Variants in SUCLG2 observed in about 807,000 individuals in gnomAD.
SUCLG2 encodes succinate-CoA ligase GDP-forming subunit beta, also known as succinate--CoA ligase [GDP-forming] subunit beta, mitochondrial.
In SUCLG2, 42 loss-of-function variants were observed where a neutral mutation model predicts 47.9. That is an observed-to-expected ratio of 0.88 (90% CI 0.69 to 1.14). The LOEUF is 1.14. SUCLG2 is among the 50% of genes most tolerant of loss of function. The pLI is 0.00. For missense variants in SUCLG2, 571 were observed against 525.9 expected (o/e 1.09, Z -0.84); for synonymous variants, 195 against 197.3 (o/e 0.99, Z 0.10).
chr3:67,534,768 CAAAAAAAAAAAAAAAAAA>C (rs60612549), intron 2 of SUCLG2, among the ~76,000 whole-genome samples: 3 of 34,932 alleles, frequency 8.6e-5, no homozygotes, highest in African/African-American at 1.8e-4. Flanking sequence ...ACACTGATGG[CAAAAAAAAAAAAAAAAAA>C]AAAAAAAAAA....
intron 2 of SUCLG2, among the ~76,000 whole-genome samples, chr3:67,545,154 C>A (rs1288819899): frequency 6.6e-6 from 1 of 152,106 alleles, no homozygotes; most frequent in African/African-American, 2.4e-5. Context: ...AAAGTATACG[C>A]TCCCCTCCTC....
chr3:67,560,042 T>A (rs923862579), intron 2 of SUCLG2, among the ~76,000 whole-genome samples: 2 of 152,098 alleles, frequency 1.3e-5, no homozygotes, highest in African/African-American at 4.8e-5. Context: ...CTCTAAAAAA[T>A]TAAATCTTTA....
chr3:67,459,265 T>C (rs1189620395), intron 9 of SUCLG2, among the ~76,000 whole-genome samples: 1 of 152,222 alleles, frequency 6.6e-6, no homozygotes, highest in African/African-American at 2.4e-5. Flanking sequence ...TAGTTCTCTT[T>C]GTATTCTGAA....
At chr3:67,576,812 T>A (rs1707754209) in intron 2 of SUCLG2, among the ~76,000 whole-genome samples, 1 of 152,236 alleles carries the variant, frequency 6.6e-6, no homozygotes, top group Non-Finnish European at 1.5e-5. Flanking sequence ...CAGAAAATAC[T>A]ACAGGTTCAC....
At chr3:67,418,833 G>A (rs535652242) in intron 9 of SUCLG2, among the ~76,000 whole-genome samples, 6 of 152,212 alleles carry the variant, frequency 3.9e-5, no homozygotes, top group Admixed American at 6.5e-5. Flanking sequence ...AATCACAAAC[G>A]GCCTGGACCT....
intron 9 of SUCLG2, among the ~76,000 whole-genome samples, chr3:67,432,824 G>T (rs1178526677): frequency 2.6e-5 from 4 of 152,152 alleles, no homozygotes; most frequent in African/African-American, 9.7e-5. Flanking sequence ...TTTTGAATTT[G>T]CTGAAGGACG....
chr3:67,439,966 C>T (rs1575696732), intron 9 of SUCLG2, among the ~76,000 whole-genome samples: 1 of 152,150 alleles, frequency 6.6e-6, no homozygotes, highest in Non-Finnish European at 1.5e-5. Flanking sequence ...CATCATACTA[C>T]CTGAATTCAA....
At chr3:67,501,630 G>A (rs1278901766) in intron 7 of SUCLG2, among the ~76,000 whole-genome samples, 1 of 152,112 alleles carries the variant, frequency 6.6e-6, no homozygotes, top group Admixed American at 6.5e-5. Context: ...CTGGTCGCCA[G>A]AAAGACCAAA....
At chr3:67,648,214 T>C (rs1341172808) in intron 1 of SUCLG2, among the ~76,000 whole-genome samples, 2 of 152,202 alleles carry the variant, frequency 1.3e-5, no homozygotes, top group Non-Finnish European at 2.9e-5. Context: ...GGAGATCCCA[T>C]AAGAATTTGA....
chr3:67,397,449 A>G (rs566748565), intron 10 of SUCLG2, among the ~76,000 whole-genome samples: 197 of 152,296 alleles, frequency 1.3e-3, no homozygotes, highest in African/African-American at 4.5e-3. Context: ...ATACCTAGGA[A>G]TCCAACTTAC....
chr3:67,550,910 G>C (rs752368039), intron 2 of SUCLG2, among the ~76,000 whole-genome samples: 5 of 152,008 alleles, frequency 3.3e-5, no homozygotes, highest in Non-Finnish European at 5.9e-5. Flanking sequence ...GGGGGGTGGG[G>C]GCAGGGGCGG....
intron 2 of SUCLG2, among the ~76,000 whole-genome samples, chr3:67,556,187 G>A (rs1575775549): frequency 6.6e-6 from 1 of 152,322 alleles, no homozygotes; most frequent in Non-Finnish European, 1.5e-5. Flanking sequence ...AATGTGACAT[G>A]TGTTCCTGAC....
At chr3:67,474,266 A>AAAAG (rs373606677) in intron 9 of SUCLG2, among the ~76,000 whole-genome samples, 2 of 152,190 alleles carry the variant, frequency 1.3e-5, no homozygotes, top group African/African-American at 4.8e-5. Flanking sequence ...TCTCAAAAAA[A>AAAAG]AAAGAAAGAA....
chr3:67,367,036 A>G (rs956925764), intron 10 of SUCLG2, among the ~76,000 whole-genome samples: 17 of 152,224 alleles, frequency 1.1e-4, no homozygotes, highest in African/African-American at 4.1e-4. Context: ...ATCAATAATT[A>G]CAACGCATAT....
At chr3:67,368,797 G>A (rs1285449425) in intron 10 of SUCLG2, among the ~76,000 whole-genome samples, 1 of 152,010 alleles carries the variant, frequency 6.6e-6, no homozygotes, top group Admixed American at 6.6e-5. Flanking sequence ...GTAGAGGAGG[G>A]GTTTCACCAT....
chr3:67,510,670 A>G (rs1405375005), intron 6 of SUCLG2, among the ~76,000 whole-genome samples: 1 of 152,194 alleles, frequency 6.6e-6, no homozygotes, highest in Non-Finnish European at 1.5e-5. Context: ...TAATTGACTA[A>G]ATAATATCTT....
At chr3:67,585,136 C>A (rs1409499066) in intron 2 of SUCLG2, among the ~76,000 whole-genome samples, 1 of 152,168 alleles carries the variant, frequency 6.6e-6, no homozygotes, top group African/African-American at 2.4e-5. Flanking sequence ...CAAAAGCCAG[C>A]ACCCCTCTAG....
intron 10 of SUCLG2, among the ~76,000 whole-genome samples, chr3:67,363,214 A>G (rs900098404): frequency 5.3e-5 from 8 of 152,194 alleles, no homozygotes; most frequent in African/African-American, 1.9e-4. Context: ...ATAGAGAAAA[A>G]TTATAGCTCA....
At chr3:67,446,419 T>G (rs1215912668) in intron 9 of SUCLG2, among the ~76,000 whole-genome samples, 4,409 of 19,428 alleles carry the variant, frequency 0.23, 629 homozygotes, top group Non-Finnish European at 0.27. Context: ...ATATGTACAT[T>G]TTTTTTTTTT....
Sources: gnomAD v4.1 joint callset for allele counts (sites outside exome capture counted in the v4.1 genomes callset) on GRCh38, gnomAD v4.1.1 for gene constraint, MANE v1.5 for transcripts, NCBI Gene and HGNC (gene_info 2026-07-23, HGNC 2026-07-21) for gene names.